The following JADE1 variants were observed in gnomAD, a reference collection of about 807,000 sequenced individuals.
The protein encoded by JADE1 is protein Jade-1.
Under a neutral mutation model 81.8 loss-of-function variants are expected in JADE1, and 14 were observed. That is an observed-to-expected ratio of 0.17 (90% CI 0.11 to 0.27). The LOEUF is 0.27. JADE1 is among the 10% of genes least tolerant of loss of function. JADE1 has a pLI of 1.00. For synonymous variants in JADE1, 353 were observed against 391.9 expected, an observed-to-expected ratio of 0.90 and a Z score of 1.17; for missense variants, 690 against 1,047.9, an observed-to-expected ratio of 0.66 and a Z score of 4.71.
chr4:128,861,363 G>T (rs1448820609), intron 8 of JADE1, among the ~76,000 whole-genome samples: 1 of 152,190 alleles, frequency 6.6e-6, no homozygotes, highest in Non-Finnish European at 1.5e-5. Flanking sequence ...TTTGAAGAGG[G>T]CCCTTAAATT....
At position 128,871,251 on chromosome 4, in the gene JADE1, G is replaced by T. The variant is rs1579254169; in HGVS notation, c.1622-104G>T. 2 of 1,105,078 alleles carry T rather than the reference G, an allele frequency of 1.8e-6. No individual in the cohort carries two copies. The highest frequency in any genetic ancestry group is 2.6e-6 in the Non-Finnish European group (2 of 766,700). 68.5% of individuals were successfully genotyped at this position (1,105,078 alleles called of 1,614,324 possible). A position where few individuals can be genotyped will look rare whatever the true frequency, so the allele number is the denominator to read the frequency against. On this transcript the variant is annotated intron_variant, in intron 10 of 10. Transcript: ENST00000226319. This position sits in a 1 kb window ranked among gnomAD's most constrained non-coding sequence, Gnocchi z 4.1. ...GGTGGTGTAAGTGTTGTGTTGTTGG[G>T]TGGGGAGTTCACATCAATTGGGCCA...
At chr4:128,854,947 A>G (rs79527434) in intron 6 of JADE1, among the ~76,000 whole-genome samples, 4,543 of 152,034 alleles carry the variant, frequency 0.03, 131 homozygotes, top group African/African-American at 0.077. Flanking sequence ...TTTTGTCTCC[A>G]TTTCTGAAAG....
chr4:128,814,372 G>T (rs186242979), intron 1 of JADE1, among the ~76,000 whole-genome samples: 1 of 152,308 alleles, frequency 6.6e-6, no homozygotes, highest in Non-Finnish European at 1.5e-5. Flanking sequence ...GACTTTAGCT[G>T]TTAAAAAGTT....
At chr4:128,866,334 G>A (rs1036339511) in intron 9 of JADE1, among the ~76,000 whole-genome samples, 6 of 152,334 alleles carry the variant, frequency 3.9e-5, no homozygotes, top group Non-Finnish European at 8.8e-5. Context: ...AAAAAAAGAT[G>A]GGAAGATCCG....
intron 4 of JADE1, among the ~76,000 whole-genome samples, chr4:128,847,862 T>C (rs1440652904): frequency 3.3e-5 from 5 of 152,214 alleles, no homozygotes; most frequent in African/African-American, 1.2e-4. Context: ...GGCAGCCTGT[T>C]GACAGTAATT....
chr4:128,849,211 TA>T (rs1730134581), intron 5 of JADE1, 44 bp downstream of exon 5: 1 of 1,515,614 alleles, frequency 6.6e-7, no homozygotes, highest in Non-Finnish European at 8.9e-7. Context: ...CAATGATGAA[TA>T]GAGACATTTT....
chr4:128,859,363 G>A (rs981615715), intron 8 of JADE1, among the ~76,000 whole-genome samples: 1 of 152,154 alleles, frequency 6.6e-6, no homozygotes, highest in Non-Finnish European at 1.5e-5. Context: ...GAGTATGCGT[G>A]TGTGAATGTG....
intron 10 of JADE1, among the ~76,000 whole-genome samples, chr4:128,870,511 G>A (rs1364607694): frequency 6.6e-6 from 1 of 152,120 alleles, no homozygotes; most frequent in Non-Finnish European, 1.5e-5. Flanking sequence ...CCTGCTAGGG[G>A]TAACAACTCA....
chr4:128,823,747 C>T (rs1727788333), intron 1 of JADE1, among the ~76,000 whole-genome samples: 4 of 152,116 alleles, frequency 2.6e-5, no homozygotes, highest in African/African-American at 9.7e-5. Context: ...CTAGATATAA[C>T]CCTTTAGTTA....
intron 8 of JADE1, among the ~76,000 whole-genome samples, chr4:128,859,578 TGTGTGA>T: frequency 6.6e-6 from 1 of 151,982 alleles, no homozygotes; most frequent in South Asian, 2.1e-4. Context: ...TATGCGTGTA[TGTGTGA>T]GTGTGCATGT....
chr4:128,833,727 G>A (rs142719057), intron 2 of JADE1, among the ~76,000 whole-genome samples: 2 of 152,330 alleles, frequency 1.3e-5, no homozygotes, highest in Non-Finnish European at 1.5e-5. Context: ...GTGAGAATTA[G>A]TCAGAAGACT....
At chr4:128,816,338 C>G (rs1248714154) in intron 1 of JADE1, 1 of 152,108 alleles carries the variant, frequency 6.6e-6, no homozygotes, top group Non-Finnish European at 1.5e-5. Context: ...AGGGTGTATG[C>G]ATTATTTTTA....
intron 10 of JADE1, among the ~76,000 whole-genome samples, chr4:128,870,197 C>G (rs777471373): frequency 1.3e-5 from 2 of 152,188 alleles, no homozygotes; most frequent in Non-Finnish European, 2.9e-5. Flanking sequence ...AAGGTTGATT[C>G]TAATGATTGA....
At chr4:128,833,563 TG>T (rs1728725086) in intron 2 of JADE1, among the ~76,000 whole-genome samples, 1 of 152,002 alleles carries the variant, frequency 6.6e-6, no homozygotes, top group Admixed American at 6.6e-5. Context: ...GGCATGATGG[TG>T]TGTGCCTGTA....
At chr4:128,816,268 T>G (rs1381503264) in intron 1 of JADE1, 1 of 152,232 alleles carries the variant, frequency 6.6e-6, no homozygotes, top group Non-Finnish European at 1.5e-5. Flanking sequence ...TTGAGTCTAT[T>G]GAGTCTATTG....
intron 9 of JADE1, among the ~76,000 whole-genome samples, chr4:128,867,377 A>G (rs1731859346): frequency 2.0e-5 from 3 of 152,190 alleles, no homozygotes; most frequent in African/African-American, 2.4e-5. Flanking sequence ...CCTTGGCCCC[A>G]TGTTTACCCA....
chr4:128,869,143 T>C lies in JADE1; in HGVS notation c.1621+1170T>C, dbSNP rs535971176. Among the ~76,000 whole-genome samples the C allele has an allele frequency of 2.4e-3, 358 of 152,332 alleles. 1 individual carries two copies. The highest frequency in any genetic ancestry group is 8.3e-3 in the African/African-American group (347 of 41,570). On this transcript the variant is annotated intron_variant, in intron 10 of 10. Transcript: ENST00000226319. ...GGAGGTTTAAATAATGTTCTTGAAGTGTTACATAGTTTGAATGCAATAACT... is the reference window on the plus strand; with the variant it reads ...GGAGGTTTAAATAATGTTCTTGAAGCGTTACATAGTTTGAATGCAATAACT...
intron 1 of JADE1, among the ~76,000 whole-genome samples, chr4:128,810,928 C>T (rs1438248824): frequency 6.6e-6 from 1 of 152,092 alleles, no homozygotes; most frequent in African/African-American, 2.4e-5. Context: ...TTGCAAATTG[C>T]AACCTTTGGC....
rs1182119008 is a variant in JADE1 at position 128,872,962 on chromosome 4, C to T, written c.*700C>T. Reference sequence around the variant, plus strand: ...CTGTGAGTGGGTTGTGGATATGGGACTGGTGGAGAGTGAGACTGTTAGGAA... The same window carrying T: ...CTGTGAGTGGGTTGTGGATATGGGATTGGTGGAGAGTGAGACTGTTAGGAA... On this transcript the variant is annotated 3_prime_UTR_variant, in exon 11 of 11. Coordinates refer to ENST00000226319, the MANE Select transcript of JADE1 (RefSeq NM_199320.4). 1 of 454,462 alleles carries T rather than the reference C, an allele frequency of 2.2e-6. No homozygotes were observed. The highest frequency in any genetic ancestry group is 7.0e-5 in the East Asian group (1 of 14,378). 28.2% of individuals were successfully genotyped at this position (454,462 alleles called of 1,614,324 possible).
Sources: allele counts gnomAD v4.1 joint callset (sites outside exome capture counted in the v4.1 genomes callset), GRCh38; gene constraint gnomAD v4.1.1; non-coding constraint Gnocchi (gnomAD v3.1); transcripts MANE v1.5; gene names NCBI Gene and HGNC (gene_info 2026-07-23, HGNC 2026-07-21).